The following ALX3 variants were observed in gnomAD, a reference collection of about 807,000 sequenced individuals.
ALX3 encodes ALX homeobox 3, also known as homeobox protein aristaless-like 3.
In ALX3, 17 loss-of-function variants were observed where a neutral mutation model predicts 26.3. The ratio of observed to expected loss-of-function variants is 0.65; its 90% CI spans 0.44 to 0.97. ALX3 has a LOEUF of 0.97. ALX3 is among the 50% of genes least tolerant of loss of function. ALX3 has a pLI of 0.00. For missense variants in ALX3, 461 were observed against 466.5 expected (o/e 0.99, Z 0.11); for synonymous variants, 208 against 201.4 (o/e 1.03, Z -0.28).
intron 1 of ALX3, among the ~76,000 whole-genome samples, chr1:110,067,074 A>C (rs870705): frequency 0.012 from 1,897 of 152,302 alleles, 43 homozygotes; most frequent in African/African-American, 0.043. Flanking sequence ...GGAGAACACC[A>C]GAGGGAGGGT....
Position 110,064,883 on chromosome 1 carries a change from C to T in ALX3, c.298G>A (p.Ala100Thr). The change falls in exon 2 of 4, where the codon GCT (alanine) becomes ACT (threonine). Residue 100 changes from alanine (A) to threonine (T), a missense_variant. By Grantham distance (58) the Ala-to-Thr change is moderately conservative. This residue lies in a region of ALX3 where 241 missense variants were observed against 206.1 expected (regional missense o/e 1.17). Transcript: ENST00000647563. The part of the protein sequence containing the change: ...PAEAEEKTSK[A>T]ASFPQLPLDC... ...AAGGGCAGCTGGGGGAAGCTGGCAG[C>T]TTTGGAGGTCTTCTCCTCAGCTGCA... 1 of 1,608,628 alleles carries T rather than the reference C, an allele frequency of 6.2e-7. No individual in the cohort carries two copies. The highest frequency in any genetic ancestry group is 1.1e-5 in the South Asian group (1 of 90,672).
In ALX3 at chr1:110,060,625, C is replaced by T. The variant is rs1653609295; in HGVS notation, c.*108G>A. 1 of 1,154,338 alleles carries T rather than the reference C, an allele frequency of 8.7e-7. No homozygotes were observed. The highest frequency in any genetic ancestry group is 1.6e-5 in the South Asian group (1 of 63,716). 71.5% of individuals were successfully genotyped at this position (1,154,338 alleles called of 1,614,324 possible). ...TGCTGGGGGCTGACAGTGCCAGCTG[C>T]TCTCGCAGCCTCCAGAACCATCTGG... is the stretch of plus-strand genomic sequence containing the variant. On this transcript the variant is annotated 3_prime_UTR_variant, in exon 4 of 4. Transcript: ENST00000647563.
At position 110,070,419 on chromosome 1, in the gene ALX3, G is replaced by GC. The variant is rs777537752; in HGVS notation, c.193dup (p.Ala65GlyfsTer30). The GC allele has an allele frequency of 3.1e-6, 4 of 1,272,130 alleles. No individual in the cohort carries two copies. Among genetic ancestry groups the GC allele is most frequent in the Non-Finnish European group, 4.0e-6 (4 of 1,010,590 alleles). 78.8% of individuals were successfully genotyped at this position (1,272,130 alleles called of 1,614,324 possible). On this transcript the variant is annotated frameshift_variant, in exon 1 of 4. Transcript: ENST00000647563. LOFTEE classifies it high-confidence loss of function. ...CTGCAGGTACTTGGCGGGCGGCTTG[G>GC]CCGGCTCTGGGAGGTAGGGCTCCAG...
At chr1:110,063,005 GTC>G (rs1282358696) in intron 2 of ALX3, among the ~76,000 whole-genome samples, 1 of 152,138 alleles carries the variant, frequency 6.6e-6, no homozygotes, top group Non-Finnish European at 1.5e-5. Flanking sequence ...CTGGTGTGTA[GTC>G]TCATTCTTCC....
In ALX3 at chr1:110,070,381, C is replaced by G. The variant is rs751418045; in HGVS notation, c.232G>C (p.Gly78Arg). Residue 78 changes from glycine to arginine, a missense_variant, in exon 1 of 4, where the codon GGC becomes CGC. Physicochemically the swap from Gly to Arg is moderately radical, Grantham distance 125. Transcript: ENST00000647563. ...AAGTGGCCGCCGTTGAGGGCCGGGC[C>G]GGGCCCGAGGTCCTGCAGGTACTTG... Reference protein sequence around the residue: ...PAKYLQDLGPGPALNGGHFYE... With the variant: ...PAKYLQDLGPRPALNGGHFYE... 235 of 1,286,928 alleles carry G rather than the reference C, an allele frequency of 1.8e-4. No homozygotes were observed. The highest frequency in any genetic ancestry group is 2.2e-4 in the Non-Finnish European group (225 of 1,017,578). 79.7% of individuals were successfully genotyped at this position (1,286,928 alleles called of 1,614,324 possible).
intron 1 of ALX3, among the ~76,000 whole-genome samples, 155 bp downstream of exon 1, chr1:110,070,181 A>T (rs1238771348): frequency 6.6e-6 from 1 of 152,002 alleles, no homozygotes; most frequent in Non-Finnish European, 1.5e-5. Flanking sequence ...GCCAGCGCCA[A>T]CCCGGCTTCC....
chr1:110,061,229 A>G, intron 3 of ALX3, 188 bp from the exon 4 acceptor site: 1 of 1,092,290 alleles, frequency 9.2e-7, no homozygotes, highest in Non-Finnish European at 1.3e-6. Flanking sequence ...ACTGTTCTCA[A>G]AACGAAATTT....
chr1:110,062,313 T>A (rs1180985539), intron 2 of ALX3: 2 of 152,338 alleles, frequency 1.3e-5, no homozygotes, highest in Admixed American at 1.3e-4. Context: ...CCATGATCTG[T>A]TTTGGAATCT....
chr1:110,066,132 G>T lies in ALX3; in HGVS notation c.278-1229C>A, dbSNP rs867377818. Reference sequence around the variant, plus strand: ...CACAGCTGTGGTTGGGGGAGGATGGGACTGGACAAATGGGCCTCTCAGGAT... The same window carrying T: ...CACAGCTGTGGTTGGGGGAGGATGGTACTGGACAAATGGGCCTCTCAGGAT... On this transcript the variant is annotated intron_variant, in intron 1 of 3. Coordinates refer to ENST00000647563, the MANE Select transcript of ALX3 (RefSeq NM_006492.3). Among the ~76,000 whole-genome samples, 6 of 152,382 alleles carry T rather than the reference G, an allele frequency of 3.9e-5. No individual in the cohort carries two copies. In the South Asian group the frequency reaches 1.2e-3, roughly 32 times the overall value.
chr1:110,067,674 C>A lies in ALX3; in HGVS notation c.277+2662G>T, dbSNP rs149215185. 2.1e-3 allele frequency among the ~76,000 whole-genome samples: 316 copies of A among 152,352 alleles called. 3 individuals are homozygous for A. The highest frequency in any genetic ancestry group is 7.3e-3 in the African/African-American group (305 of 41,584). On this transcript the variant is annotated intron_variant, in intron 1 of 3. Transcript: ENST00000647563. ...GACCAGCCTTGGCTTTCACATTTCGCTGCAGCCTTGTCCCGCGCCGCACTG... is the reference window on the plus strand; with the variant it reads ...GACCAGCCTTGGCTTTCACATTTCGATGCAGCCTTGTCCCGCGCCGCACTG...
In ALX3 at chr1:110,068,873, C is replaced by T. The variant is rs552328212; in HGVS notation, c.277+1463G>A. 2.6e-3 allele frequency among the ~76,000 whole-genome samples: 402 copies of T among 152,292 alleles called. 1 individual carries two copies. The highest frequency in any genetic ancestry group is 5.8e-3 in the South Asian group (28 of 4,818). ...TCAAGGCCACCCTTGCCGTCGGATC[C>T]CGGGGTGCTGGGTTTCTCCCGGCCG... On this transcript the variant is annotated intron_variant, in intron 1 of 3. Coordinates refer to ENST00000647563, the MANE Select transcript of ALX3 (RefSeq NM_006492.3).
At chr1:110,068,237 G>A (rs919238439) in intron 1 of ALX3, among the ~76,000 whole-genome samples, 20 of 152,372 alleles carry the variant, frequency 1.3e-4, no homozygotes, top group Non-Finnish European at 1.8e-4. Context: ...GCGCTCACTC[G>A]TGTGGACTGG....
intron 2 of ALX3, among the ~76,000 whole-genome samples, chr1:110,064,257 C>T (rs1261167170): frequency 6.6e-6 from 1 of 152,188 alleles, no homozygotes. Flanking sequence ...TTCCCTTTTC[C>T]TGAACTGGGA....
At chr1:110,070,080 T>C (rs1411182729) in intron 1 of ALX3, among the ~76,000 whole-genome samples, 1 of 152,092 alleles carries the variant, frequency 6.6e-6, no homozygotes, top group Non-Finnish European at 1.5e-5. Flanking sequence ...CCGTCGCCAC[T>C]GCACCTTCCC....
intron 1 of ALX3, among the ~76,000 whole-genome samples, chr1:110,068,092 C>T (rs972157009): frequency 1.3e-5 from 2 of 152,222 alleles, no homozygotes; most frequent in African/African-American, 4.8e-5. Flanking sequence ...CAAGGCTGGG[C>T]GCTCTCAGCA....
At chr1:110,069,256 C>A (rs1653862189) in intron 1 of ALX3, among the ~76,000 whole-genome samples, 1 of 152,258 alleles carries the variant, frequency 6.6e-6, no homozygotes, top group Non-Finnish European at 1.5e-5. Flanking sequence ...TACACATTCC[C>A]ACCGCCCCGG....
intron 1 of ALX3, among the ~76,000 whole-genome samples, chr1:110,068,563 C>A (rs1414481799): frequency 6.6e-6 from 1 of 152,238 alleles, no homozygotes; most frequent in East Asian, 1.9e-4. Context: ...CCCTTGTTCT[C>A]ATTTTGATAT....
At chr1:110,061,771 G>A (rs1023863452) in intron 2 of ALX3, 3 of 695,106 alleles carry the variant, frequency 4.3e-6, no homozygotes, top group Admixed American at 6.0e-5. Flanking sequence ...TGGGTAATTG[G>A]CCCCATGGGC....
At chr1:110,063,435 CCT>C (rs1411881570) in intron 2 of ALX3, among the ~76,000 whole-genome samples, 1 of 152,142 alleles carries the variant, frequency 6.6e-6, no homozygotes, top group Admixed American at 6.5e-5. Flanking sequence ...ACAGCCCAAG[CCT>C]CTCTCATCCT....
Sources: allele counts gnomAD v4.1 joint callset (sites outside exome capture counted in the v4.1 genomes callset), GRCh38; gene constraint gnomAD v4.1.1; regional missense constraint gnomAD v4.1.1; transcripts MANE v1.5; gene names NCBI Gene and HGNC (gene_info 2026-07-23, HGNC 2026-07-21).